DNAAF6: variants seen among roughly 807,000 people sequenced by gnomAD.
DNAAF6 encodes dynein axonemal assembly factor 6.
A neutral mutation model predicts 13.7 loss-of-function variants in DNAAF6; 3 were observed. The ratio of observed to expected loss-of-function variants is 0.22; its 90% CI spans 0.10 to 0.56. DNAAF6 has a LOEUF of 0.56. Among genes scored for constraint, DNAAF6 ranks in the 20% least tolerant of loss-of-function variants. The pLI is 0.92. For missense variants in DNAAF6, 130 were observed against 151.0 expected (o/e 0.86, Z 0.73); for synonymous variants, 54 against 49.2 (o/e 1.10, Z -0.41).
intron 2 of DNAAF6, among the ~76,000 whole-genome samples, chrX:107,216,202 G>A (rs1440873424): frequency 5.4e-5 from 6 of 111,857 alleles, no homozygotes. Context: ...GCTTTTGAAT[G>A]ATTAATCTGA....
intron 2 of DNAAF6, among the ~76,000 whole-genome samples, 149 bp from the exon 3 acceptor site, chrX:107,216,518 ATCTG>A (rs1927988461): frequency 8.9e-6 from 1 of 112,196 alleles, no homozygotes; most frequent in Non-Finnish European, 1.9e-5. Context: ...AGTACTTGAC[ATCTG>A]TCTTTCTGTT....
intron 5 of DNAAF6, among the ~76,000 whole-genome samples, chrX:107,223,140 C>A (rs1928184710): frequency 9.0e-6 from 1 of 111,481 alleles, no homozygotes; most frequent in Admixed American, 9.6e-5. Flanking sequence ...ACTGGATTTT[C>A]TTCCATCCTA....
chrX:107,211,156 T>C (rs1473207489), intron 1 of DNAAF6, among the ~76,000 whole-genome samples: 1 of 112,234 alleles, frequency 8.9e-6, no homozygotes, highest in East Asian at 2.8e-4. Context: ...TATGTTAGAC[T>C]TCTTAAAAAG....
At chrX:107,213,737 A>G (rs1226635158) in intron 2 of DNAAF6, among the ~76,000 whole-genome samples, 1 of 111,413 alleles carries the variant, frequency 9.0e-6, no homozygotes, top group Admixed American at 9.6e-5. Flanking sequence ...CCATTCTCCT[A>G]TTTCTTAACT....
chrX:107,229,060 TTAGA>T (rs1369288041), intron 5 of DNAAF6, among the ~76,000 whole-genome samples: 2 of 107,121 alleles, frequency 1.9e-5, no homozygotes, highest in Non-Finnish European at 3.8e-5. Context: ...AAAACACTGA[TTAGA>T]TAAAGAGGGA....
At chrX:107,218,157 A>G (rs1928035279) in intron 3 of DNAAF6, among the ~76,000 whole-genome samples, 1 of 112,150 alleles carries the variant, frequency 8.9e-6, no homozygotes, top group Admixed American at 9.5e-5. Flanking sequence ...GGATGCTACA[A>G]TAGTTAAAAC....
chrX:107,236,839 T>C (rs1217644784), intron 5 of DNAAF6, among the ~76,000 whole-genome samples: 1 of 112,028 alleles, frequency 8.9e-6, no homozygotes, highest in Non-Finnish European at 1.9e-5. Context: ...TGAGTTAACA[T>C]GTGACGTTAA....
At chrX:107,223,156 G>A (rs1283951373) in intron 5 of DNAAF6, among the ~76,000 whole-genome samples, 1 of 111,038 alleles carries the variant, frequency 9.0e-6, no homozygotes, top group African/African-American at 3.3e-5. Flanking sequence ...TCCTAGTTCC[G>A]TCCCATGCAT....
intron 6 of DNAAF6, among the ~76,000 whole-genome samples, chrX:107,240,162 T>C (rs771746109): frequency 5.3e-4 from 59 of 111,931 alleles, no homozygotes; most frequent in Non-Finnish European, 9.2e-4. Context: ...ATACAATTTT[T>C]ATAACATGAG....
chrX:107,207,703 G>A (rs746414597), intron 1 of DNAAF6, among the ~76,000 whole-genome samples: 26 of 111,915 alleles, frequency 2.3e-4, no homozygotes, highest in Non-Finnish European at 3.4e-4. Context: ...AGGCCGAGGC[G>A]GGCAGATCAC....
At chrX:107,228,375 AGAG>A (rs1428044591) in intron 5 of DNAAF6, among the ~76,000 whole-genome samples, 2 of 111,189 alleles carry the variant, frequency 1.8e-5, no homozygotes, top group Non-Finnish European at 3.8e-5. Flanking sequence ...TTAGTGGTGA[AGAG>A]GAGGAGAATG....
At chrX:107,235,791 G>T (rs1928500034) in intron 5 of DNAAF6, among the ~76,000 whole-genome samples, 1 of 109,738 alleles carries the variant, frequency 9.1e-6, no homozygotes, top group Admixed American at 9.7e-5. Context: ...TTGGGGGGGG[G>T]AGGTATAATT....
chrX:107,227,503 G>C (rs1303393223), intron 5 of DNAAF6, among the ~76,000 whole-genome samples: 1 of 107,737 alleles, frequency 9.3e-6, no homozygotes, highest in African/African-American at 3.4e-5. Flanking sequence ...TTTTTTGGTA[G>C]GCTTCCTGAT....
At position 107,237,739 on chromosome X, in the gene DNAAF6, G is replaced by A. The variant is rs77616525; in HGVS notation, c.430-1183G>A. On this transcript the variant is annotated intron_variant, in intron 5 of 6. Coordinates refer to ENST00000372453, the MANE Select transcript of DNAAF6 (RefSeq NM_173494.2). ...TGGCTTACCCCTGTAATTCCAGCACGTTGGGAGGCTGAGGCGGGCAGATCA... is the reference window on the plus strand; with the variant it reads ...TGGCTTACCCCTGTAATTCCAGCACATTGGGAGGCTGAGGCGGGCAGATCA... Among the ~76,000 whole-genome samples, 636 of 112,115 alleles carry A rather than the reference G, an allele frequency of 5.7e-3. 2 individuals are homozygous for A. Among genetic ancestry groups the A allele is most frequent in the Middle Eastern group, 0.018 (4 of 218 alleles).
chrX:107,227,740 C>T (rs1928286217), intron 5 of DNAAF6, among the ~76,000 whole-genome samples: 2 of 110,899 alleles, frequency 1.8e-5, no homozygotes, highest in African/African-American at 6.6e-5. Flanking sequence ...CAAATACTTC[C>T]TTAAAAGCTA....
intron 1 of DNAAF6, among the ~76,000 whole-genome samples, chrX:107,212,260 C>T (rs1253081908): frequency 9.0e-6 from 1 of 110,959 alleles, no homozygotes; most frequent in East Asian, 2.8e-4. Context: ...CTAGGTGACA[C>T]GAGAAAGCCA....
In DNAAF6 at chrX:107,218,898, C is replaced by T. The variant is rs760029187; in HGVS notation, c.261C>T (p.Asp87=). 2 of 1,192,686 alleles carry T rather than the reference C, an allele frequency of 1.7e-6. No individual in the cohort carries two copies. Among genetic ancestry groups the T allele is most frequent in the Admixed American group, 2.4e-5 (1 of 41,418 alleles). The part of the protein sequence containing the change: ...IPETSEENNE[D]IWNSEEIPEG... ...AAACCAGCGAGGAAAATAATGAGGACATCTGGAATTCAGAAGAGATTCCAG... is the reference window on the plus strand; with the variant it reads ...AAACCAGCGAGGAAAATAATGAGGATATCTGGAATTCAGAAGAGATTCCAG... The change falls in exon 4 of 7, where the codon GAC becomes GAT. Residue 87 remains aspartate (D), a synonymous_variant. Transcript: ENST00000372453.
At chrX:107,223,646 A>G (rs1279395378) in intron 5 of DNAAF6, among the ~76,000 whole-genome samples, 1 of 111,391 alleles carries the variant, frequency 9.0e-6, no homozygotes, top group Non-Finnish European at 1.9e-5. Flanking sequence ...TTCTTACAAT[A>G]CATTATAGAA....
At chrX:107,240,669 T>C (rs1928606887) in intron 6 of DNAAF6, among the ~76,000 whole-genome samples, 1 of 111,876 alleles carries the variant, frequency 8.9e-6, no homozygotes, top group Admixed American at 9.6e-5. Context: ...TAAAGCAGTT[T>C]ACCAAATTCT....
Sources: allele counts gnomAD v4.1 joint callset (sites outside exome capture counted in the v4.1 genomes callset), GRCh38; gene constraint gnomAD v4.1.1; transcripts MANE v1.5; gene names NCBI Gene and HGNC (gene_info 2026-07-23, HGNC 2026-07-21).